KCNH5: variants seen among roughly 807,000 people sequenced by gnomAD.
KCNH5 encodes voltage-gated delayed rectifier potassium channel KCNH5.
KCNH5 carries 46 observed loss-of-function variants against 96.1 expected under a neutral mutation model. The observed-to-expected ratio is 0.48, with a 90% confidence interval of 0.38 to 0.61. The LOEUF (loss-of-function observed/expected upper bound fraction) is 0.61, where lower values mean the gene tolerates loss of function less well. Ranked by LOEUF, KCNH5 falls within the 20% of genes least tolerant of loss-of-function variation. KCNH5 has a pLI of 0.00. For missense variants in KCNH5, 907 were observed against 1,225.8 expected (o/e 0.74, Z 3.88); for synonymous variants, 439 against 449.8 (o/e 0.98, Z 0.30).
chr14:62,900,269 C>T lies in KCNH5; in HGVS notation c.1369+49864G>A, dbSNP rs116057999. 2.8e-3 allele frequency among the ~76,000 whole-genome samples: 425 copies of T among 152,200 alleles called. 10 individuals are homozygous for T. Among genetic ancestry groups the T allele is most frequent in the African/African-American group, 9.7e-3 (402 of 41,516 alleles). ...ATAGGAAATGCTCTTGATTATGTAA[C>T]GGATACTATAAGAATTACATAATGT... On this transcript the variant is annotated intron_variant, in intron 7 of 10. Coordinates refer to ENST00000322893, the MANE Select transcript of KCNH5 (RefSeq NM_139318.5).
chr14:62,907,541 C>A (rs1213351522), intron 7 of KCNH5, among the ~76,000 whole-genome samples: 2 of 152,142 alleles, frequency 1.3e-5, no homozygotes, highest in Non-Finnish European at 2.9e-5. Context: ...TAATAAGAGT[C>A]CTGAAATCCA....
At chr14:62,937,073 T>C (rs1889699007) in intron 7 of KCNH5, among the ~76,000 whole-genome samples, 1 of 151,120 alleles carries the variant, frequency 6.6e-6, no homozygotes, top group African/African-American at 2.4e-5. Flanking sequence ...AGCACAAATC[T>C]ATGTACAAAT....
intron 8 of KCNH5, among the ~76,000 whole-genome samples, chr14:62,823,990 A>G (rs368670294): frequency 6.6e-6 from 1 of 152,056 alleles, no homozygotes; most frequent in Admixed American, 6.6e-5. Flanking sequence ...ATAAACCTTG[A>G]TAAAACACAA....
intron 9 of KCNH5, among the ~76,000 whole-genome samples, chr14:62,789,893 C>T (rs1886396173): frequency 1.3e-5 from 2 of 151,826 alleles, no homozygotes; most frequent in African/African-American, 2.4e-5. Flanking sequence ...TGTACAGAAA[C>T]GTTTTAGTGT....
chr14:62,871,192 C>T (rs543638425), intron 7 of KCNH5, among the ~76,000 whole-genome samples: 1 of 152,100 alleles, frequency 6.6e-6, no homozygotes, highest in Non-Finnish European at 1.5e-5. Context: ...TTGTGAGATG[C>T]TAAAATACAA....
chr14:62,793,236 C>A (rs1003180773), intron 9 of KCNH5, among the ~76,000 whole-genome samples: 1 of 151,720 alleles, frequency 6.6e-6, no homozygotes, highest in African/African-American at 2.4e-5. Flanking sequence ...CACATAGAGC[C>A]TATACTTCAC....
intron 8 of KCNH5, among the ~76,000 whole-genome samples, chr14:62,811,898 C>T (rs1886880086): frequency 6.6e-6 from 1 of 152,174 alleles, no homozygotes; most frequent in South Asian, 2.1e-4. Flanking sequence ...TGGTACTATA[C>T]AGGCCCTCCA....
intron 6 of KCNH5, among the ~76,000 whole-genome samples, 169 bp from the exon 7 acceptor site, chr14:62,950,728 C>T (rs1360687796): frequency 5.3e-5 from 8 of 151,900 alleles, no homozygotes; most frequent in African/African-American, 7.3e-5. Flanking sequence ...AAATGATAAA[C>T]TTTAAAAAAA....
chr14:63,044,522 A>G (rs1891885419), intron 1 of KCNH5, among the ~76,000 whole-genome samples: 1 of 152,206 alleles, frequency 6.6e-6, no homozygotes, highest in Admixed American at 6.5e-5. Context: ...GCAAGAAGAA[A>G]CTTGAAGCAC....
chr14:62,824,326 CA>C (rs1887176404), intron 8 of KCNH5, among the ~76,000 whole-genome samples: 1 of 151,900 alleles, frequency 6.6e-6, no homozygotes, highest in Admixed American at 6.6e-5. Flanking sequence ...TTAAGCACCA[CA>C]GGTCAAAACG....
chr14:62,941,222 G>C (rs887142621), intron 7 of KCNH5, among the ~76,000 whole-genome samples: 8 of 152,162 alleles, frequency 5.3e-5, no homozygotes, highest in South Asian at 2.1e-4. Context: ...CTAGTTAATA[G>C]GCTATCAAGA....
intron 7 of KCNH5, among the ~76,000 whole-genome samples, chr14:62,867,875 C>A (rs533959021): frequency 1.0e-3 from 153 of 152,320 alleles, no homozygotes; most frequent in Non-Finnish European, 2.0e-3. Context: ...TCATTCAGGT[C>A]TCCTAAATGT....
At chr14:62,882,349 A>C (rs1194231510) in intron 7 of KCNH5, among the ~76,000 whole-genome samples, 1 of 152,210 alleles carries the variant, frequency 6.6e-6, no homozygotes, top group African/African-American at 2.4e-5. Flanking sequence ...TTTTTCAGGA[A>C]ACTAAGAATT....
intron 7 of KCNH5, among the ~76,000 whole-genome samples, chr14:62,940,909 C>T (rs1244324609): frequency 6.6e-6 from 1 of 152,178 alleles, no homozygotes; most frequent in Non-Finnish European, 1.5e-5. Flanking sequence ...AAGACAGATC[C>T]TCTTCTCACA....
Position 62,747,596 on chromosome 14 carries a change from T to A in KCNH5, c.2019+32132A>T, listed in dbSNP as rs558773861. Among the ~76,000 whole-genome samples, 10 of 152,334 alleles carry A rather than the reference T, an allele frequency of 6.6e-5. No individual in the cohort carries two copies. The South Asian group carries it at 2.1e-3, about 32-fold the overall frequency. On this transcript the variant is annotated intron_variant, in intron 10 of 10. Coordinates refer to ENST00000322893, the MANE Select transcript of KCNH5 (RefSeq NM_139318.5). The stretch of plus-strand genomic sequence containing the variant: ...ATGAGCTTAGAACCTGTAGTTAAAG[T>A]GCAAGCTTTAGGTCAAGTTAAATCA...
intron 1 of KCNH5, 33 bp from the exon 2 acceptor site, chr14:63,016,987 T>C (rs1410412193): frequency 1.3e-6 from 2 of 1,590,478 alleles, no homozygotes; most frequent in East Asian, 2.2e-5. Context: ...GGAGGTTATT[T>C]AGCTTAATTC....
chr14:62,705,124 T>C lies in KCNH5; in HGVS notation c.*2384A>G, dbSNP rs1884405858. 6.6e-6 allele frequency: 1 copy of C among 151,972 alleles called. No homozygotes were observed. Among genetic ancestry groups the C allele is most frequent in the African/African-American group, 2.4e-5 (1 of 41,432 alleles). The allele number at this position is 151,972 out of a possible 1,614,324, so 9.4% of individuals were successfully genotyped here. On this transcript the variant is annotated 3_prime_UTR_variant, in exon 11 of 11. Coordinates refer to ENST00000322893, the MANE Select transcript of KCNH5 (RefSeq NM_139318.5). ...ATTCAAAACCATTATGTTTCTCACATATATGAACAATAACATTGTAGGTCG... is the reference window on the plus strand; with the variant it reads ...ATTCAAAACCATTATGTTTCTCACACATATGAACAATAACATTGTAGGTCG...
rs137905765 is a variant in KCNH5 at position 62,784,170 on chromosome 14, C to T, written c.1823-4246G>A. On this transcript the variant is annotated intron_variant, in intron 9 of 10. Coordinates refer to ENST00000322893, the MANE Select transcript of KCNH5 (RefSeq NM_139318.5). ...ATGAGGAGCAAAGTCACGTCTTACA[C>T]GGTGGCAGGCAAGAGCGCTTGTACA... Among the ~76,000 whole-genome samples the T allele has an allele frequency of 4.8e-3, 738 of 152,248 alleles. 9 individuals carry two copies. The highest frequency in any genetic ancestry group is 0.017 in the African/African-American group (702 of 41,542).
At chr14:62,716,544 C>T (rs538575753) in intron 10 of KCNH5, among the ~76,000 whole-genome samples, 1 of 152,270 alleles carries the variant, frequency 6.6e-6, no homozygotes, top group East Asian at 1.9e-4. Context: ...TTTGCATATA[C>T]TGTTCCCCTT....
Sources: gnomAD v4.1 joint callset for allele counts (sites outside exome capture counted in the v4.1 genomes callset) on GRCh38, gnomAD v4.1.1 for gene constraint, MANE v1.5 for transcripts, NCBI Gene and HGNC (gene_info 2026-07-23, HGNC 2026-07-21) for gene names.